Variants in SUMF1 observed in about 807,000 individuals in gnomAD.
SUMF1 encodes the protein formylglycine-generating enzyme.
In SUMF1, 48 loss-of-function variants were observed where a neutral mutation model predicts 47.6. The observed-to-expected ratio is 1.01, with a 90% CI of 0.80 to 1.28. The LOEUF is 1.28. Among genes scored for constraint, SUMF1 ranks in the 50% most tolerant of loss-of-function variants. The pLI, the probability that SUMF1 is intolerant of heterozygous loss-of-function variation, is 0.00. For synonymous variants in SUMF1, 230 were observed against 192.1 expected, an observed-to-expected ratio of 1.20 and a Z score of -1.63; for missense variants, 571 against 485.4, an observed-to-expected ratio of 1.18 and a Z score of -1.66.
At chr3:4,282,635 C>T (rs926107640) in intron 8 of SUMF1, among the ~76,000 whole-genome samples, 1 of 152,104 alleles carries the variant, frequency 6.6e-6, no homozygotes, top group African/African-American at 2.4e-5. Context: ...ACGATACCAG[C>T]GCAAGAGTGG....
intron 8 of SUMF1, among the ~76,000 whole-genome samples, chr3:4,162,100 C>G (rs1406920403): frequency 6.6e-6 from 1 of 152,046 alleles, no homozygotes; most frequent in Non-Finnish European, 1.5e-5. Flanking sequence ...CTAGCAATAT[C>G]ATTTGAGAGC....
intron 9 of SUMF1, among the ~76,000 whole-genome samples, chr3:4,057,977 G>C (rs933644681): frequency 2.0e-5 from 3 of 152,102 alleles, no homozygotes; most frequent in Non-Finnish European, 4.4e-5. Context: ...GCAGGGATTA[G>C]AGTCTAGATC....
intron 8 of SUMF1, among the ~76,000 whole-genome samples, chr3:4,230,713 A>T (rs1332712160): frequency 6.6e-6 from 1 of 151,970 alleles, no homozygotes; most frequent in Non-Finnish European, 1.5e-5. Flanking sequence ...GTGGGGCCGA[A>T]ATTCCCAATC....
chr3:4,329,183 G>A (rs1699001672), intron 8 of SUMF1, among the ~76,000 whole-genome samples: 1 of 152,174 alleles, frequency 6.6e-6, no homozygotes, highest in African/African-American at 2.4e-5. Flanking sequence ...CAAGCTGTTG[G>A]TGGATCTACC....
intron 8 of SUMF1, among the ~76,000 whole-genome samples, chr3:4,164,209 T>C (rs1694647077): frequency 6.6e-6 from 1 of 152,154 alleles, no homozygotes; most frequent in Non-Finnish European, 1.5e-5. Flanking sequence ...AATACCTGGT[T>C]ACAAGCTGTC....
intron 8 of SUMF1, among the ~76,000 whole-genome samples, chr3:4,207,946 A>G (rs1695689402): frequency 6.6e-6 from 1 of 152,148 alleles, no homozygotes; most frequent in African/African-American, 2.4e-5. Context: ...AATGAGTCAT[A>G]GGAGGCCCCC....
At chr3:4,437,533 A>G (rs186806940) in intron 3 of SUMF1, among the ~76,000 whole-genome samples, 128 of 152,358 alleles carry the variant, frequency 8.4e-4, no homozygotes, top group African/African-American at 2.9e-3. Context: ...AATAGCCACA[A>G]TAAATATAAA....
chr3:4,463,850 G>A (rs546062231), intron 1 of SUMF1, among the ~76,000 whole-genome samples: 19 of 152,210 alleles, frequency 1.2e-4, no homozygotes, highest in South Asian at 2.1e-4. Flanking sequence ...CATAACCCAC[G>A]CAGAAAACTA....
chr3:4,383,028 C>A (rs1379173019), intron 7 of SUMF1, among the ~76,000 whole-genome samples: 2 of 151,780 alleles, frequency 1.3e-5, no homozygotes, highest in African/African-American at 4.8e-5. Context: ...AAGTAACAAA[C>A]CTGCACATTC....
At chr3:4,090,226 AG>A (rs2125052245) in intron 8 of SUMF1, among the ~76,000 whole-genome samples, 2 of 152,286 alleles carry the variant, frequency 1.3e-5, no homozygotes, top group East Asian at 3.9e-4. Context: ...AGAATTGATC[AG>A]AGGAAAAAAA....
intron 8 of SUMF1, among the ~76,000 whole-genome samples, chr3:4,076,648 G>A (rs1298919761): frequency 6.6e-6 from 1 of 151,874 alleles, no homozygotes; most frequent in African/African-American, 2.4e-5. Context: ...AAATTTACAA[G>A]AAAAAAACAA....
chr3:4,254,482 G>T (rs1293339410), intron 8 of SUMF1, among the ~76,000 whole-genome samples: 12 of 150,882 alleles, frequency 8.0e-5, no homozygotes, highest in African/African-American at 2.2e-4. Context: ...AGCCTCAGGA[G>T]CCGATGCCAT....
At chr3:4,049,447 C>T (rs1574845075) in intron 9 of SUMF1, among the ~76,000 whole-genome samples, 3 of 152,140 alleles carry the variant, frequency 2.0e-5, no homozygotes, top group Admixed American at 6.6e-5. Context: ...CAACAGACTG[C>T]GTAGGAGAAA....
chr3:4,438,241 A>G (rs59820061), intron 3 of SUMF1, among the ~76,000 whole-genome samples: 2,257 of 64,738 alleles, frequency 0.035, 66 homozygotes, highest in African/African-American at 0.19. Flanking sequence ...AAAAAAAAAA[A>G]AGATCTCATA....
intron 8 of SUMF1, among the ~76,000 whole-genome samples, chr3:4,253,062 T>C (rs905810486): frequency 6.6e-6 from 1 of 152,216 alleles, no homozygotes; most frequent in African/African-American, 2.4e-5. Context: ...TTTTTAAAAA[T>C]CTAGCTATAT....
intron 8 of SUMF1, among the ~76,000 whole-genome samples, chr3:4,297,222 G>A (rs1697871254): frequency 1.7e-5 from 1 of 57,404 alleles, no homozygotes; most frequent in Non-Finnish European, 4.5e-5. Flanking sequence ...AGCCCACCCC[G>A]TTAGACGGGC....
chr3:4,155,242 G>T (rs780721176), intron 8 of SUMF1, among the ~76,000 whole-genome samples: 4 of 151,434 alleles, frequency 2.6e-5, no homozygotes, highest in Admixed American at 6.6e-5. Flanking sequence ...TGCAGAGGAA[G>T]GAAGCCCTGT....
intron 8 of SUMF1, among the ~76,000 whole-genome samples, chr3:4,327,002 T>G (rs1380434284): frequency 1.3e-5 from 2 of 152,208 alleles, no homozygotes; most frequent in Non-Finnish European, 2.9e-5. Context: ...TTGTTATAAG[T>G]TAAGAATACT....
At chr3:4,061,799 T>C (rs1256962380) in intron 9 of SUMF1, among the ~76,000 whole-genome samples, 1 of 152,024 alleles carries the variant, frequency 6.6e-6, no homozygotes, top group African/African-American at 2.4e-5. Context: ...GGTACAAGAG[T>C]AGGTTACAGT....
Sources: gnomAD v4.1 joint callset for allele counts (sites outside exome capture counted in the v4.1 genomes callset) on GRCh38, gnomAD v4.1.1 for gene constraint, MANE v1.5 for transcripts, NCBI Gene and HGNC (gene_info 2026-07-23, HGNC 2026-07-21) for gene names.